The following ENTREP2 variants were observed in gnomAD, a reference collection of about 807,000 sequenced individuals.
The protein encoded by ENTREP2 is endosomal transmembrane epsin interactor 2.
the ENTREP2 span, among the ~76,000 whole-genome samples, chr15:29,210,269 G>C: frequency 6.6e-6 from 1 of 152,156 alleles, no homozygotes; most frequent in Non-Finnish European, 1.5e-5. Flanking sequence ...CAGCCAACAG[G>C]TCAAACCAGC....
At chr15:29,193,250 G>A in the ENTREP2 span, among the ~76,000 whole-genome samples, 1 of 152,212 alleles carries the variant, frequency 6.6e-6, no homozygotes, top group African/African-American at 2.4e-5. Flanking sequence ...GTTTCCAGAG[G>A]AGATTGGTGT....
chr15:29,158,652 G>C, the ENTREP2 span, among the ~76,000 whole-genome samples: 1 of 152,070 alleles, frequency 6.6e-6, no homozygotes, highest in Non-Finnish European at 1.5e-5. Flanking sequence ...AGTTTTATCA[G>C]AGTCCTTTAC....
chr15:29,285,534 G>A, the ENTREP2 span, among the ~76,000 whole-genome samples: 1 of 152,160 alleles, frequency 6.6e-6, no homozygotes, highest in African/African-American at 2.4e-5. Flanking sequence ...GAATCACAAA[G>A]TTTGAATAAT....
the ENTREP2 span, among the ~76,000 whole-genome samples, chr15:29,378,285 C>T: frequency 1.3e-5 from 2 of 150,938 alleles, no homozygotes; most frequent in South Asian, 2.1e-4. Flanking sequence ...AGGTCCCACT[C>T]GATGAATGGT....
At chr15:29,204,822 TACAC>T in the ENTREP2 span, among the ~76,000 whole-genome samples, 1 of 152,080 alleles carries the variant, frequency 6.6e-6, no homozygotes, top group Non-Finnish European at 1.5e-5. Context: ...TGTGGTAAAA[TACAC>T]ACAACATAAA....
chr15:29,431,094 G>A, the ENTREP2 span, among the ~76,000 whole-genome samples: 1 of 152,104 alleles, frequency 6.6e-6, no homozygotes, highest in African/African-American at 2.4e-5. Context: ...TTACATCTGG[G>A]CACTCTACCT....
chr15:29,598,116 C>T, the ENTREP2 span, among the ~76,000 whole-genome samples: 2 of 103,840 alleles, frequency 1.9e-5, no homozygotes, highest in African/African-American at 6.5e-5. Context: ...AGTGAGACCC[C>T]TGTCTCAAAA....
chr15:29,264,760 T>A, the ENTREP2 span, among the ~76,000 whole-genome samples: 4 of 152,202 alleles, frequency 2.6e-5, no homozygotes, highest in East Asian at 7.7e-4. Flanking sequence ...GCAACTTTTC[T>A]GTAAATTTGA....
At chr15:29,507,965 C>A in the ENTREP2 span, among the ~76,000 whole-genome samples, 4 of 152,038 alleles carry the variant, frequency 2.6e-5, no homozygotes, top group South Asian at 2.1e-4. Context: ...AATCCAGGAG[C>A]AGATTTTTTG....
chr15:29,657,285 C>T, the ENTREP2 span, among the ~76,000 whole-genome samples: 1 of 151,542 alleles, frequency 6.6e-6, no homozygotes, highest in African/African-American at 2.4e-5. Flanking sequence ...GGTCGCAAAT[C>T]TCTCGACCTC....
the ENTREP2 span, among the ~76,000 whole-genome samples, chr15:29,538,028 C>T: frequency 6.6e-6 from 1 of 152,184 alleles, no homozygotes; most frequent in South Asian, 2.1e-4. Context: ...TGACCCTTCA[C>T]ACCCCTTCTC....
chr15:29,345,452 C>T, the ENTREP2 span, among the ~76,000 whole-genome samples: 2 of 152,020 alleles, frequency 1.3e-5, no homozygotes, highest in Admixed American at 6.5e-5. Flanking sequence ...CCTCCGCTCC[C>T]CGCCAAGGCT....
the ENTREP2 span, chr15:29,234,642 C>CAG: frequency 6.4e-7 from 1 of 1,560,750 alleles, no homozygotes; most frequent in Non-Finnish European, 8.8e-7. Flanking sequence ...AACCACCTAC[C>CAG]AGTTCTATCT....
At chr15:29,158,369 A>G in the ENTREP2 span, among the ~76,000 whole-genome samples, 1 of 149,820 alleles carries the variant, frequency 6.7e-6, no homozygotes, top group Non-Finnish European at 1.5e-5. Context: ...GTGTTTCTTC[A>G]GAATTCTTTT....
At chr15:29,462,705 T>G in the ENTREP2 span, among the ~76,000 whole-genome samples, 1 of 152,078 alleles carries the variant, frequency 6.6e-6, no homozygotes. Context: ...TGAGAATCAC[T>G]AGGAGTCCCA....
the ENTREP2 span, among the ~76,000 whole-genome samples, chr15:29,354,719 G>C: frequency 6.6e-6 from 1 of 152,034 alleles, no homozygotes; most frequent in Non-Finnish European, 1.5e-5. Context: ...CGACCAGAAG[G>C]AAACACACCA....
chr15:29,470,599 C>T, the ENTREP2 span, among the ~76,000 whole-genome samples: 1 of 152,186 alleles, frequency 6.6e-6, no homozygotes, highest in Non-Finnish European at 1.5e-5. Context: ...GAAATCCTTC[C>T]CAGTCCTACA....
chr15:29,377,137 T>A, the ENTREP2 span, among the ~76,000 whole-genome samples: 26 of 152,238 alleles, frequency 1.7e-4, no homozygotes, highest in Non-Finnish European at 5.9e-5. Context: ...AAACAAATCA[T>A]TAGCACAGAC....
chr15:29,671,746 C>A, the ENTREP2 span, among the ~76,000 whole-genome samples: 1 of 152,292 alleles, frequency 6.6e-6, no homozygotes, highest in African/African-American at 2.4e-5. Flanking sequence ...CCACTCATTT[C>A]CCCTGAACCT....
Sources: gnomAD v4.1 joint callset for allele counts (sites outside exome capture counted in the v4.1 genomes callset) on GRCh38, gnomAD v4.1.1 for gene constraint, MANE v1.5 for transcripts, NCBI Gene and HGNC (gene_info 2026-07-23, HGNC 2026-07-21) for gene names.